The following RNLS variants were observed in gnomAD, a reference collection of about 807,000 sequenced individuals.
The protein encoded by RNLS is renalase.
RNLS carries 39 observed loss-of-function variants against 39.8 expected under a neutral mutation model. That is an observed-to-expected ratio of 0.98 (90% CI 0.76 to 1.28). RNLS has a LOEUF of 1.28. Ranked by LOEUF, RNLS falls within the 50% of genes most tolerant of loss-of-function variation. RNLS has a pLI of 0.00. For synonymous variants in RNLS, 147 were observed against 150.7 expected (o/e 0.98, Z 0.18); for missense variants, 410 against 413.3 (o/e 0.99, Z 0.07).
At chr10:88,539,572 G>A (rs1847939659) in intron 4 of RNLS, among the ~76,000 whole-genome samples, 1 of 152,100 alleles carries the variant, frequency 6.6e-6, no homozygotes, top group Non-Finnish European at 1.5e-5. Flanking sequence ...TAGCAAGGAT[G>A]CTACCTATTT....
intron 5 of RNLS, among the ~76,000 whole-genome samples, chr10:88,357,923 T>C (rs1302004013): frequency 6.6e-6 from 1 of 152,164 alleles, no homozygotes; most frequent in Non-Finnish European, 1.5e-5. Context: ...TACCTATCAA[T>C]CACAAACACC....
intron 4 of RNLS, among the ~76,000 whole-genome samples, chr10:88,428,462 A>G (rs1854941108): frequency 6.6e-6 from 1 of 152,020 alleles, no homozygotes; most frequent in Admixed American, 6.6e-5. Flanking sequence ...ACTGTGTCTA[A>G]GAGCACAACC....
At chr10:88,303,924 G>T (rs1318880834) in intron 6 of RNLS, among the ~76,000 whole-genome samples, 2 of 152,198 alleles carry the variant, frequency 1.3e-5, no homozygotes, top group Non-Finnish European at 2.9e-5. Flanking sequence ...AACACTCACA[G>T]GGAGGCAAGC....
chr10:88,360,860 TA>T (rs1849588960), intron 5 of RNLS, among the ~76,000 whole-genome samples: 1 of 152,224 alleles, frequency 6.6e-6, no homozygotes, highest in Non-Finnish European at 1.5e-5. Context: ...AGATAAAACC[TA>T]GGTCTTTGAA....
intron 6 of RNLS, chr10:88,275,174 G>T: frequency 1.8e-6 from 1 of 561,582 alleles, no homozygotes; most frequent in Non-Finnish European, 3.1e-6. Context: ...TCTATAGGTG[G>T]TCTTGCTAAC....
In RNLS at chr10:88,579,590, A is replaced by G. The variant is rs183827640; in HGVS notation, c.367+1977T>C. Among the ~76,000 whole-genome samples, 687 of 152,312 alleles carry G rather than the reference A, an allele frequency of 4.5e-3. 3 individuals carry two copies. The highest frequency in any genetic ancestry group is 0.016 in the African/African-American group (649 of 41,556). ...CTCCTGCACATGCATGCATGCACGCATATCAGTTAGTAAGTACCTGATGAT... is the reference window on the plus strand; with the variant it reads ...CTCCTGCACATGCATGCATGCACGCGTATCAGTTAGTAAGTACCTGATGAT... On this transcript the variant is annotated intron_variant, in intron 3 of 6. Coordinates refer to ENST00000331772, the MANE Select transcript of RNLS (RefSeq NM_001031709.3).
chr10:88,172,842 GTTTTTTTTTTTTTTTTT>G, the RNLS span, among the ~76,000 whole-genome samples: 25 of 43,776 alleles, frequency 5.7e-4, 1 homozygote, highest in South Asian at 1.8e-3. Flanking sequence ...ATTTTGAGTT[GTTTTTTTTTTTTTTTTT>G]TTTTTTTTTT....
At chr10:88,520,514 C>A (rs1846663701) in intron 4 of RNLS, among the ~76,000 whole-genome samples, 1 of 151,916 alleles carries the variant, frequency 6.6e-6, no homozygotes, top group Non-Finnish European at 1.5e-5. Flanking sequence ...ACCATGATAG[C>A]CACATAAATG....
At chr10:88,517,479 T>C (rs1589940094) in intron 4 of RNLS, among the ~76,000 whole-genome samples, 1 of 151,932 alleles carries the variant, frequency 6.6e-6, no homozygotes, top group Non-Finnish European at 1.5e-5. Flanking sequence ...ATTTTTACAA[T>C]ATTGTCTCAA....
the RNLS span, among the ~76,000 whole-genome samples, chr10:88,187,255 T>C: frequency 1.4e-5 from 2 of 148,124 alleles, no homozygotes; most frequent in African/African-American, 2.5e-5. Flanking sequence ...AAGAAGCTCC[T>C]GAGTATTTTG....
the RNLS span, among the ~76,000 whole-genome samples, chr10:88,207,909 G>A: frequency 1.6e-4 from 25 of 152,074 alleles, no homozygotes; most frequent in Non-Finnish European, 2.8e-4. Context: ...GGACTTCCCT[G>A]CTTTTGAGAT....
chr10:88,209,356 A>G, the RNLS span, among the ~76,000 whole-genome samples: 2 of 152,276 alleles, frequency 1.3e-5, no homozygotes, highest in South Asian at 2.1e-4. Context: ...TGTCTCATAT[A>G]AAGAAGAGAA....
chr10:88,266,811 A>G, the RNLS span, among the ~76,000 whole-genome samples: 1 of 151,694 alleles, frequency 6.6e-6, no homozygotes, highest in Non-Finnish European at 1.5e-5. Context: ...CAGCATGTAC[A>G]TCACTCAGAT....
the RNLS span, among the ~76,000 whole-genome samples, chr10:88,197,658 C>A: frequency 6.6e-6 from 1 of 152,160 alleles, no homozygotes; most frequent in African/African-American, 2.4e-5. Context: ...AAAACCCTAA[C>A]CCCCAATGTG....
intron 4 of RNLS, among the ~76,000 whole-genome samples, chr10:88,489,365 T>A (rs1412411938): frequency 6.6e-6 from 1 of 152,192 alleles, no homozygotes. Flanking sequence ...AATCCTCCAG[T>A]ACACTGGCTG....
chr10:88,507,271 A>G lies in RNLS; in HGVS notation c.526+65632T>C, dbSNP rs142029721. 2.5e-3 allele frequency among the ~76,000 whole-genome samples: 380 copies of G among 151,996 alleles called. 3 individuals carry two copies. The highest frequency in any genetic ancestry group is 8.8e-3 in the African/African-American group (367 of 41,494). ...ACCTGTCCCAAAGACACACACACGCACACACACACACAATGAATATAATAA... is the reference window on the plus strand; with the variant it reads ...ACCTGTCCCAAAGACACACACACGCGCACACACACACAATGAATATAATAA... On this transcript the variant is annotated intron_variant, in intron 4 of 6. Coordinates refer to ENST00000331772, the MANE Select transcript of RNLS (RefSeq NM_001031709.3).
At chr10:88,206,573 G>A in the RNLS span, among the ~76,000 whole-genome samples, 1 of 152,138 alleles carries the variant, frequency 6.6e-6, no homozygotes, top group Admixed American at 6.6e-5. Context: ...AAAGCAAAAT[G>A]TAAACAGAAA....
chr10:88,356,016 T>G (rs1302764874), intron 5 of RNLS, among the ~76,000 whole-genome samples: 1 of 152,202 alleles, frequency 6.6e-6, no homozygotes, highest in Non-Finnish European at 1.5e-5. Flanking sequence ...GACCCTCTGA[T>G]CCTTGCGCGG....
At chr10:88,411,870 C>T (rs546151881) in intron 4 of RNLS, among the ~76,000 whole-genome samples, 1 of 151,998 alleles carries the variant, frequency 6.6e-6, no homozygotes, top group Non-Finnish European at 1.5e-5. Context: ...CCAAGTAGAA[C>T]ATGAGTCACA....
Sources: gnomAD v4.1 joint callset for allele counts (sites outside exome capture counted in the v4.1 genomes callset) on GRCh38, gnomAD v4.1.1 for gene constraint, MANE v1.5 for transcripts, NCBI Gene and HGNC (gene_info 2026-07-23, HGNC 2026-07-21) for gene names.